C1orf56: variants seen among roughly 807,000 people sequenced by gnomAD.
The protein encoded by C1orf56 is protein MENT.
In C1orf56, 14 loss-of-function variants were observed where a neutral mutation model predicts 20.7. That is an observed-to-expected ratio of 0.68 (90% CI 0.45 to 1.06). The LOEUF (loss-of-function observed/expected upper bound fraction) is 1.06. C1orf56 is among the 50% of genes least tolerant of loss of function. The probability of loss-of-function intolerance (pLI) is 0.00; values close to 1 mark genes in which losing one functional copy is unlikely to be tolerated. For missense variants in C1orf56, 424 were observed against 451.4 expected, an observed-to-expected ratio of 0.94 and a Z score of 0.55; for synonymous variants, 187 against 194.7, an observed-to-expected ratio of 0.96 and a Z score of 0.33.
In C1orf56 at chr1:151,048,787, CG is replaced by C. The variant is rs1558106315; in HGVS notation, c.943del (p.Val315SerfsTer22). 2 of 1,612,588 alleles carry C rather than the reference CG, an allele frequency of 1.2e-6. No individual in the cohort carries two copies. The highest frequency in any genetic ancestry group is 1.7e-5 in the Admixed American group (1 of 59,778). On this transcript the variant is annotated frameshift_variant, in exon 1 of 2. Transcript: ENST00000368926. LOFTEE classifies it high-confidence loss of function. This position sits in a 1 kb window ranked among gnomAD's most constrained non-coding sequence, Gnocchi z 4.8. ...CTGCCCAGCCCTGGCTTTTTGGAAA[CG>C]GGTCAGGATTGGCCTGGAGGATATT... is the stretch of plus-strand genomic sequence containing the variant. The part of the protein sequence containing the change: ...SPCPALAFWK[R>X]VRIGLEDIWN...
rs1676172800 is a variant in C1orf56 at position 151,051,302 on chromosome 1, A to G, written c.*844A>G. On this transcript the variant is annotated 3_prime_UTR_variant, in exon 2 of 2. Coordinates refer to ENST00000368926, the MANE Select transcript of C1orf56 (RefSeq NM_017860.5). ...TAGAGCAACAAGCTGGGTTACTTTC[A>G]GAGCAACCAGCTTGACTGGAACTGA... 6.8e-6 allele frequency: 1 copy of G among 148,082 alleles called. No individual in the cohort carries two copies. Among genetic ancestry groups the G allele is most frequent in the Admixed American group, 6.8e-5 (1 of 14,612 alleles). The allele number at this position is 148,082 out of a possible 1,614,324, so 9.2% of individuals were successfully genotyped here.
In C1orf56 at chr1:151,047,866, G is replaced by T; in HGVS notation, c.19G>T (p.Ala7Ser). The T allele has an allele frequency of 6.3e-7, 1 of 1,585,306 alleles. No homozygotes were observed. Among genetic ancestry groups the T allele is most frequent in the Non-Finnish European group, 8.6e-7 (1 of 1,167,230 alleles). MVPAAG[A>S]LLWVLLLNLG... Reference sequence around the variant, plus strand: ...CAGCCCCATGGTCCCCGCCGCCGGCGCGCTGCTGTGGGTCCTGCTGCTGAA... The same window carrying T: ...CAGCCCCATGGTCCCCGCCGCCGGCTCGCTGCTGTGGGTCCTGCTGCTGAA... Residue 7 changes from alanine to serine, a missense_variant, in exon 1 of 2, where the codon GCG becomes TCG. By Grantham distance (99) the Ala-to-Ser change is moderately conservative (BLOSUM62 1). Transcript: ENST00000368926.
chr1:151,048,480 C>T lies in C1orf56; in HGVS notation c.633C>T (p.Cys211=). ...LVLMPWGPWH[C]HCKSGTMSRS... ...TGATGCCCTGGGGCCCGTGGCACTG[C>T]CACTGCAAGTCGGGCACCATGAGCC... The change falls in exon 1 of 2, where the codon TGC becomes TGT. Residue 211 remains cysteine (C), a synonymous_variant. Coordinates refer to ENST00000368926, the MANE Select transcript of C1orf56 (RefSeq NM_017860.5). The surrounding 1 kb of genome is among the most constrained non-coding windows in gnomAD (Gnocchi z 4.8). 13 of 1,609,058 alleles carry T rather than the reference C, an allele frequency of 8.1e-6. No individual in the cohort carries two copies. The highest frequency in any genetic ancestry group is 1.0e-5 in the Non-Finnish European group (12 of 1,179,916).
In C1orf56 at chr1:151,050,506, G is replaced by GC; in HGVS notation, c.*51dup. ...AGATGTCAGTATCTCAACCTCTCTTGCCCTTTCAATCCTAGCACCCACTAG... is the reference window on the plus strand; with the variant it reads ...AGATGTCAGTATCTCAACCTCTCTTGCCCCTTTCAATCCTAGCACCCACTAG... On this transcript the variant is annotated 3_prime_UTR_variant, in exon 2 of 2. Coordinates refer to ENST00000368926, the MANE Select transcript of C1orf56 (RefSeq NM_017860.5). 1 of 1,566,748 alleles carries GC rather than the reference G, an allele frequency of 6.4e-7. No homozygotes were observed. The highest frequency in any genetic ancestry group is 1.9e-5 in the Admixed American group (1 of 52,634).
chr1:151,048,045 C>T lies in C1orf56; in HGVS notation c.198C>T (p.Asp66=), dbSNP rs1235129032. 1.2e-6 allele frequency: 2 copies of T among 1,613,972 alleles called. No homozygotes were observed. Among genetic ancestry groups the T allele is most frequent in the African/African-American group, 2.7e-5 (2 of 74,942 alleles). Residue 66 remains aspartate, a synonymous_variant, in exon 1 of 2, where the codon GAC becomes GAT. Coordinates refer to ENST00000368926, the MANE Select transcript of C1orf56 (RefSeq NM_017860.5). This position sits in a 1 kb window ranked among gnomAD's most constrained non-coding sequence, Gnocchi z 4.8. ...GGAAGACAAGGATAATCCTAGAGGA[C>T]GAGAATGATGCCATGGCCGACGCCG... ...LPRKTRIILE[D]ENDAMADADR...
chr1:151,048,559 C>G lies in C1orf56; in HGVS notation c.712C>G (p.Leu238Val). 1 of 1,614,080 alleles carries G rather than the reference C, an allele frequency of 6.2e-7. No homozygotes were observed. Among genetic ancestry groups the G allele is most frequent in the Non-Finnish European group, 8.5e-7 (1 of 1,180,054 alleles). The part of the protein sequence containing the change: ...GLSGRLRVGA[L>V]SQLRTEHKPC... ...TTCCGGGCGCCTTCGAGTTGGGGCG[C>G]TGAGCCAGCTCCGCACGGAGCACAA... The change falls in exon 1 of 2, where the codon CTG (leucine) becomes GTG (valine). Residue 238 changes from leucine to valine, a missense_variant. Physicochemically the swap from Leu to Val is conservative, Grantham distance 32. Transcript: ENST00000368926. The surrounding 1 kb of genome is among the most constrained non-coding windows in gnomAD (Gnocchi z 4.8).
rs1676115234 is a variant in C1orf56 at position 151,048,747 on chromosome 1, G to A, written c.900G>A (p.Leu300=). 1.2e-6 allele frequency: 2 copies of A among 1,613,520 alleles called. No homozygotes were observed. Among genetic ancestry groups the A allele is most frequent in the South Asian group, 1.1e-5 (1 of 90,980 alleles). Residue 300 remains leucine (L), a synonymous_variant, in exon 1 of 2, where the codon CTG becomes CTA. Transcript: ENST00000368926. This position sits in a 1 kb window ranked among gnomAD's most constrained non-coding sequence, Gnocchi z 4.8. Reference sequence around the variant, plus strand: ...TCCACCTCAGAAGCAGTCCCAGCCTGCCACCCGCCAGCCCCTGCCCAGCCC... The same window carrying A: ...TCCACCTCAGAAGCAGTCCCAGCCTACCACCCGCCAGCCCCTGCCCAGCCC... ...PTIHLRSSPS[L]PPASPCPALA... is the part of the protein sequence containing the mutation.
chr1:151,048,994 G>A lies in C1orf56; in HGVS notation c.1005+142G>A. On this transcript the variant is annotated intron_variant, in intron 1 of 1. Coordinates refer to ENST00000368926, the MANE Select transcript of C1orf56 (RefSeq NM_017860.5). The surrounding 1 kb of genome is among the most constrained non-coding windows in gnomAD (Gnocchi z 4.8). ...GGTTATTGATTCATAACATGCATTG[G>A]TTATTCACATTGTTAGCCATTGATT... 1 of 1,268,058 alleles carries A rather than the reference G, an allele frequency of 7.9e-7. No individual in the cohort carries two copies. The highest frequency in any genetic ancestry group is 1.0e-6 in the Non-Finnish European group (1 of 958,952). 78.6% of individuals were successfully genotyped at this position (1,268,058 alleles called of 1,614,324 possible).
At position 151,051,289 on chromosome 1, in the gene C1orf56, C is replaced by T. The variant is rs1474187990; in HGVS notation, c.*831C>T. 1 of 142,326 alleles carries T rather than the reference C, an allele frequency of 7.0e-6. No individual in the cohort carries two copies. Among genetic ancestry groups the T allele is most frequent in the Non-Finnish European group, 1.5e-5 (1 of 66,144 alleles). 8.8% of individuals were successfully genotyped at this position (142,326 alleles called of 1,614,324 possible). A position where few individuals can be genotyped will look rare whatever the true frequency, so the allele number is the denominator to read the frequency against. ...TACTGAGGTATTTTAGAGCAACAAGCTGGGTTACTTTCAGAGCAACCAGCT... is the reference window on the plus strand; with the variant it reads ...TACTGAGGTATTTTAGAGCAACAAGTTGGGTTACTTTCAGAGCAACCAGCT... On this transcript the variant is annotated 3_prime_UTR_variant, in exon 2 of 2. Coordinates refer to ENST00000368926, the MANE Select transcript of C1orf56 (RefSeq NM_017860.5).
At chr1:151,050,384 G>T (rs587611969) in intron 1 of C1orf56, 54 bp from the exon 2 acceptor site, 9 of 1,560,448 alleles carry the variant, frequency 5.8e-6, no homozygotes, top group East Asian at 4.5e-5. Flanking sequence ...GAAGGGAAAA[G>T]AATATAGATG....
Position 151,050,489 on chromosome 1 carries a change from G to A in C1orf56, c.*31G>A, listed in dbSNP as rs752582386. 6.2e-7 allele frequency: 1 copy of A among 1,600,214 alleles called. No homozygotes were observed. The highest frequency in any genetic ancestry group is 2.2e-5 in the East Asian group (1 of 44,528). ...ACTTCATCCACATGAGGAGATGTCA[G>A]TATCTCAACCTCTCTTGCCCTTTCA... On this transcript the variant is annotated 3_prime_UTR_variant, in exon 2 of 2. Coordinates refer to ENST00000368926, the MANE Select transcript of C1orf56 (RefSeq NM_017860.5).
At position 151,050,534 on chromosome 1, in the gene C1orf56, A is replaced by G; in HGVS notation, c.*76A>G. 1 of 1,428,098 alleles carries G rather than the reference A, an allele frequency of 7.0e-7. No individual in the cohort carries two copies. Among genetic ancestry groups the G allele is most frequent in the Non-Finnish European group, 9.6e-7 (1 of 1,043,290 alleles). The allele number at this position is 1,428,098 out of a possible 1,614,324, so 88.5% of individuals were successfully genotyped here. ...CTTTCAATCCTAGCACCCACTAGAT[A>G]TTTTTAGTACAGAAAAACAAAACTG... On this transcript the variant is annotated 3_prime_UTR_variant, in exon 2 of 2. Coordinates refer to ENST00000368926, the MANE Select transcript of C1orf56 (RefSeq NM_017860.5).
Position 151,051,054 on chromosome 1 carries a change from C to T in C1orf56, c.*596C>T, listed in dbSNP as rs1676166722. ...CAACTTTTTAATATAAATTACGACT[C>T]TCAAACCCATTCCCATCACTTTATT... On this transcript the variant is annotated 3_prime_UTR_variant, in exon 2 of 2. Coordinates refer to ENST00000368926, the MANE Select transcript of C1orf56 (RefSeq NM_017860.5). The T allele has an allele frequency of 6.6e-6, 1 of 152,154 alleles. No individual in the cohort carries two copies. Among genetic ancestry groups the T allele is most frequent in the Non-Finnish European group, 1.5e-5 (1 of 68,090 alleles). The allele number at this position is 152,154 out of a possible 1,614,324, so 9.4% of individuals were successfully genotyped here.
intron 1 of C1orf56, among the ~76,000 whole-genome samples, chr1:151,050,059 AACCAGGTTTGAC>A (rs929820768): frequency 2.0e-5 from 3 of 152,232 alleles, no homozygotes; most frequent in African/African-American, 7.2e-5. Context: ...ACGAGATTTA[AACCAGGTTTGAC>A]ACCAGTGCCC....
intron 1 of C1orf56, 83 bp from the exon 2 acceptor site, chr1:151,050,355 G>A: frequency 7.3e-7 from 1 of 1,366,398 alleles, no homozygotes; most frequent in Non-Finnish European, 1.0e-6. Flanking sequence ...GGGTTTGTGG[G>A]AGGGGGAGAT....
Position 151,048,815 on chromosome 1 carries a change from G to A in C1orf56, c.968G>A (p.Trp323Ter), listed in dbSNP as rs587597820. ...KRVRIGLEDI[W>*]NSLSSVFTEM... is the part of the protein sequence containing the mutation. ...GTCAGGATTGGCCTGGAGGATATTT[G>A]GAATAGCCTCTCTTCAGTGTTCACA... Residue 323 changes from tryptophan (W) to a stop codon, truncating the protein, a stop_gained, in exon 1 of 2, where the codon TGG (tryptophan) becomes TAG (stop). Coordinates refer to ENST00000368926, the MANE Select transcript of C1orf56 (RefSeq NM_017860.5). LOFTEE classifies it high-confidence loss of function. This position sits in a 1 kb window ranked among gnomAD's most constrained non-coding sequence, Gnocchi z 4.8. The A allele has an allele frequency of 5.6e-6, 9 of 1,594,712 alleles. No homozygotes were observed. In the East Asian group the frequency reaches 2.0e-4, roughly 36 times the overall value.
Position 151,048,342 on chromosome 1 carries a change from G to C in C1orf56, c.495G>C (p.Leu165=). The part of the protein sequence containing the change: ...PRSPGRSTED[L]PGSQATLSQW... ...CCCCCGGGAGGTCTACTGAGGACCT[G>C]CCAGGCTCGCAGGCCACCCTGAGCC... The change falls in exon 1 of 2, where the codon CTG becomes CTC. Residue 165 remains leucine, a synonymous_variant. Transcript: ENST00000368926. This position sits in a 1 kb window ranked among gnomAD's most constrained non-coding sequence, Gnocchi z 4.8. 1.2e-6 allele frequency: 2 copies of C among 1,613,908 alleles called. No individual in the cohort carries two copies. The highest frequency in any genetic ancestry group is 2.7e-5 in the African/African-American group (2 of 75,068).
Position 151,048,058 on chromosome 1 carries a change from A to G in C1orf56, c.211A>G (p.Met71Val), listed in dbSNP as rs143972785. The change falls in exon 1 of 2, where the codon ATG becomes GTG. Residue 71 changes from methionine to valine, a missense_variant. Transcript: ENST00000368926. This position sits in a 1 kb window ranked among gnomAD's most constrained non-coding sequence, Gnocchi z 4.8. Reference sequence around the variant, plus strand: ...AATCCTAGAGGACGAGAATGATGCCATGGCCGACGCCGACCGCCTGGCTGG... The same window carrying G: ...AATCCTAGAGGACGAGAATGATGCCGTGGCCGACGCCGACCGCCTGGCTGG... ...RIILEDENDAMADADRLAGPA... is the reference protein window; with the variant it reads ...RIILEDENDAVADADRLAGPA... 4.0e-4 allele frequency: 639 copies of G among 1,614,092 alleles called. 1 individual carries two copies. The highest frequency in any genetic ancestry group is 5.2e-4 in the Admixed American group (31 of 60,034).
intron 1 of C1orf56, among the ~76,000 whole-genome samples, chr1:151,049,373 T>C (rs751796004): frequency 6.6e-6 from 1 of 151,600 alleles, no homozygotes; most frequent in Non-Finnish European, 1.5e-5. Context: ...CGCCTCGGCC[T>C]CCCAAAGTGC....
Sources: allele counts gnomAD v4.1 joint callset (sites outside exome capture counted in the v4.1 genomes callset), GRCh38; gene constraint gnomAD v4.1.1; non-coding constraint Gnocchi (gnomAD v3.1); transcripts MANE v1.5; gene names NCBI Gene and HGNC (gene_info 2026-07-23, HGNC 2026-07-21).